EYS: variants seen among roughly 807,000 people sequenced by gnomAD.
The protein encoded by EYS is protein eyes shut homolog.
Under a neutral mutation model 282.1 loss-of-function variants are expected in EYS, and 250 were observed. That is an observed-to-expected ratio of 0.89 (90% confidence interval 0.80 to 0.98). The LOEUF (loss-of-function observed/expected upper bound fraction) is 0.98. Among genes scored for constraint, EYS ranks in the 50% least tolerant of loss-of-function variants. The pLI, the probability that EYS is intolerant of heterozygous loss-of-function variation, is 0.00. For missense variants in EYS, 4,016 were observed against 3,709.0 expected (o/e 1.08, Z -2.15); for synonymous variants, 1,355 against 1,282.9 (o/e 1.06, Z -1.20).
At chr6:64,703,968 A>T (rs868175488) in intron 22 of EYS, among the ~76,000 whole-genome samples, 3 of 152,150 alleles carry the variant, frequency 2.0e-5, no homozygotes, top group African/African-American at 4.8e-5. Flanking sequence ...TTTGAAGACC[A>T]ATTTTTCAAT....
At chr6:65,589,087 C>A (rs1187929269) in intron 2 of EYS, among the ~76,000 whole-genome samples, 2 of 152,062 alleles carry the variant, frequency 1.3e-5, no homozygotes, top group Non-Finnish European at 2.9e-5. Context: ...CTAGTAACCT[C>A]TTAACTTCCA....
At chr6:64,692,217 G>A (rs1356938343) in intron 22 of EYS, among the ~76,000 whole-genome samples, 1 of 152,114 alleles carries the variant, frequency 6.6e-6, no homozygotes, top group East Asian at 1.9e-4. Context: ...ATATCTCACT[G>A]TGGTTTTGAT....
chr6:63,723,697 A>G (rs1768497136), intron 42 of EYS, among the ~76,000 whole-genome samples: 1 of 152,000 alleles, frequency 6.6e-6, no homozygotes, highest in South Asian at 2.1e-4. Context: ...TATGGAAGCT[A>G]AAAGCTGTAT....
chr6:64,631,839 C>A (rs970335686), intron 22 of EYS, among the ~76,000 whole-genome samples: 2 of 151,890 alleles, frequency 1.3e-5, no homozygotes, highest in African/African-American at 2.4e-5. Flanking sequence ...TATTCAGAAA[C>A]CTTTTTTTAT....
At chr6:64,080,135 A>G (rs1376006688) in intron 32 of EYS, among the ~76,000 whole-genome samples, 1 of 152,186 alleles carries the variant, frequency 6.6e-6, no homozygotes, top group Non-Finnish European at 1.5e-5. Flanking sequence ...TCCCTGAGGA[A>G]TCACCACACT....
chr6:64,008,763 A>T (rs1170341747), intron 33 of EYS, among the ~76,000 whole-genome samples: 1 of 152,034 alleles, frequency 6.6e-6, no homozygotes, highest in Non-Finnish European at 1.5e-5. Flanking sequence ...GTTGGAAGTT[A>T]TTTTCTTTAA....
intron 15 of EYS, among the ~76,000 whole-genome samples, chr6:64,919,637 T>A (rs997056576): frequency 6.6e-6 from 1 of 152,084 alleles, no homozygotes; most frequent in Non-Finnish European, 1.5e-5. Flanking sequence ...TAATCTATAT[T>A]TTTCATACAT....
chr6:65,283,195 A>G (rs181009543), intron 12 of EYS, among the ~76,000 whole-genome samples: 52 of 152,098 alleles, frequency 3.4e-4, no homozygotes, highest in African/African-American at 1.1e-3. Context: ...TATTTTTCCT[A>G]TCAGAACTCC....
intron 26 of EYS, among the ~76,000 whole-genome samples, chr6:64,562,953 GTAAA>G (rs1765446428): frequency 6.6e-6 from 1 of 151,912 alleles, no homozygotes; most frequent in South Asian, 2.1e-4. Context: ...ACTGTCAATG[GTAAA>G]ACTCAGTATT....
chr6:64,979,693 A>G (rs1770588373), intron 14 of EYS, among the ~76,000 whole-genome samples: 1 of 151,594 alleles, frequency 6.6e-6, no homozygotes, highest in South Asian at 2.1e-4. Flanking sequence ...CAAGAGAATC[A>G]AGATTTAAAA....
intron 5 of EYS, 108 bp from the exon 6 acceptor site, chr6:65,405,475 A>C: frequency 2.3e-6 from 2 of 883,046 alleles, no homozygotes; most frequent in Middle Eastern, 2.5e-4. Context: ...GAGTTTATGA[A>C]ATATTTTTAT....
At position 64,230,586 on chromosome 6, in the gene EYS, G is replaced by T; in HGVS notation, c.6424+6C>A. 3 of 1,529,938 alleles carry T rather than the reference G, an allele frequency of 2.0e-6. No homozygotes were observed. The highest frequency in any genetic ancestry group is 1.2e-5 in the South Asian group (1 of 83,466). The allele number at this position is 1,529,938 out of a possible 1,614,324, so 94.8% of individuals were successfully genotyped here. A position where few individuals can be genotyped will look rare whatever the true frequency, so the allele number is the denominator to read the frequency against. ...GAAATACAAAAGGGTAATGAAGATT[G>T]ATTACCTTTTTCACAGAAGCGGCCA... is the stretch of plus-strand genomic sequence containing the variant. On this transcript the variant is annotated splice_donor_region_variant and intron_variant, in intron 31 of 42. Coordinates refer to ENST00000503581, the MANE Select transcript of EYS (RefSeq NM_001142800.2).
rs933046474 is a variant in EYS at position 63,889,346 on chromosome 6, A to G, written c.7056-24988T>C. 1.2e-4 allele frequency among the ~76,000 whole-genome samples: 19 copies of G among 152,292 alleles called. 1 individual carries two copies. Among genetic ancestry groups the G allele is most frequent in the Admixed American group, 5.9e-4 (9 of 15,298 alleles). On this transcript the variant is annotated intron_variant, in intron 35 of 42. Transcript: ENST00000503581. The stretch of plus-strand genomic sequence containing the variant: ...CGTCAGATTCACCAAGGTAGAAATA[A>G]GGGAAAAGATGTTAAGGGGAGCCAG...
At chr6:64,400,998 C>A (rs1465735393) in intron 28 of EYS, among the ~76,000 whole-genome samples, 1 of 151,798 alleles carries the variant, frequency 6.6e-6, no homozygotes, top group African/African-American at 2.4e-5. Flanking sequence ...AGAGTAGATG[C>A]CTGGAAAGGT....
intron 26 of EYS, among the ~76,000 whole-genome samples, chr6:64,570,316 C>T (rs1019143024): frequency 2.0e-5 from 3 of 152,120 alleles, no homozygotes; most frequent in Admixed American, 6.6e-5. Context: ...AAGGAACAAC[C>T]GTTACCAGCC....
intron 39 of EYS, among the ~76,000 whole-genome samples, chr6:63,781,864 C>T (rs148747188): frequency 0.012 from 1,810 of 152,188 alleles, 31 homozygotes; most frequent in African/African-American, 0.042. Context: ...TTTGCCCATT[C>T]AGTATGATAT....
At chr6:64,356,972 T>C (rs971652455) in intron 29 of EYS, among the ~76,000 whole-genome samples, 3 of 151,568 alleles carry the variant, frequency 2.0e-5, no homozygotes, top group Admixed American at 2.0e-4. Context: ...ACAGATATGA[T>C]TGAAGACTAT....
At chr6:63,894,454 G>A (rs1262889149) in intron 35 of EYS, among the ~76,000 whole-genome samples, 3 of 152,142 alleles carry the variant, frequency 2.0e-5, no homozygotes, top group African/African-American at 7.2e-5. Flanking sequence ...ACAAGAAGCT[G>A]GAAGAGACGA....
At chr6:65,408,734 C>T (rs2150368114) in intron 5 of EYS, among the ~76,000 whole-genome samples, 1 of 152,136 alleles carries the variant, frequency 6.6e-6, no homozygotes, top group South Asian at 2.1e-4. Context: ...ATCTTACTGT[C>T]CTCTTTTGTT....
Sources: allele counts gnomAD v4.1 joint callset (sites outside exome capture counted in the v4.1 genomes callset), GRCh38; gene constraint gnomAD v4.1.1; transcripts MANE v1.5; gene names NCBI Gene and HGNC (gene_info 2026-07-23, HGNC 2026-07-21).